The following ZSWIM4 variants were observed in gnomAD, a reference collection of about 807,000 sequenced individuals.
ZSWIM4 encodes the protein zinc finger SWIM domain-containing protein 4.
ZSWIM4 carries 62 observed loss-of-function variants against 102.5 expected under a neutral mutation model. That is an observed-to-expected ratio of 0.60 (90% CI 0.49 to 0.75). The LOEUF is 0.75. ZSWIM4 is among the 30% of genes least tolerant of loss of function. The pLI, the probability that ZSWIM4 is intolerant of heterozygous loss-of-function variation, is 0.00. For missense variants in ZSWIM4, 1,280 were observed against 1,529.6 expected (o/e 0.84, Z 2.72); for synonymous variants, 652 against 674.5 (o/e 0.97, Z 0.52).
At chr19:13,822,112 G>A (rs1401569390) in intron 10 of ZSWIM4, among the ~76,000 whole-genome samples, 7 of 151,124 alleles carry the variant, frequency 4.6e-5, no homozygotes, top group East Asian at 3.9e-4. Context: ...GGCCTCAAGC[G>A]ACCCTCTCGC....
intron 12 of ZSWIM4, among the ~76,000 whole-genome samples, chr19:13,826,623 A>G: frequency 6.6e-6 from 1 of 151,986 alleles, no homozygotes; most frequent in South Asian, 2.1e-4. Flanking sequence ...AAATTAGCCA[A>G]GCGTGGTGGC....
At chr19:13,810,558 T>C (rs1227200539) in intron 5 of ZSWIM4, among the ~76,000 whole-genome samples, 2 of 152,200 alleles carry the variant, frequency 1.3e-5, no homozygotes, top group African/African-American at 4.8e-5. Flanking sequence ...CCCAAAGTGC[T>C]GGGATTACAG....
chr19:13,804,827 A>G lies in ZSWIM4; in HGVS notation c.391A>G (p.Ser131Gly), dbSNP rs765626022. 4 of 1,599,060 alleles carry G rather than the reference A, an allele frequency of 2.5e-6. No homozygotes were observed. Among genetic ancestry groups the G allele is most frequent in the South Asian group, 2.2e-5 (2 of 90,558 alleles). The change falls in exon 3 of 14, where the codon AGT becomes GGT. Residue 131 changes from serine (S) to glycine (G), a missense_variant. Transcript: ENST00000590508. The stretch of plus-strand genomic sequence containing the variant: ...GAGCGGAAACATCCGCGAGCCAGGG[A>G]GTCCTGGAGAGCCCGAGCGCCTCTA... The part of the protein sequence containing the change: ...HLSGNIREPG[S>G]PGEPERLYHV...
At position 13,830,168 on chromosome 19, in the gene ZSWIM4, TTCC is replaced by T; in HGVS notation, c.2462-22_2462-20del. 1 of 1,598,068 alleles carries T rather than the reference TTCC, an allele frequency of 6.3e-7. No individual in the cohort carries two copies. The highest frequency in any genetic ancestry group is 8.5e-7 in the Non-Finnish European group (1 of 1,171,782). On this transcript the variant is annotated intron_variant, in intron 13 of 13. Coordinates refer to ENST00000590508, the MANE Select transcript of ZSWIM4 (RefSeq NM_001367834.3). ...GTGTCTGCCCCCGCTCCTGACGGAT[TTCC>T]CTCCCTCACCTCCCACCAGGCCCGC...
At chr19:13,817,566 G>A in intron 8 of ZSWIM4, 156 bp from the exon 9 acceptor site, 1 of 1,079,930 alleles carries the variant, frequency 9.3e-7, no homozygotes. Context: ...CTAGAAGGTG[G>A]GGCTCCCGCG....
intron 1 of ZSWIM4, chr19:13,796,673 A>C (rs1974620457): frequency 6.6e-6 from 1 of 152,288 alleles, no homozygotes; most frequent in Admixed American, 6.5e-5. Context: ...GGACAGGTGC[A>C]CCTAGAAGCT....
rs2145395165 is a variant in ZSWIM4 at position 13,831,785 on chromosome 19, G to T, written c.*735G>T. The T allele has an allele frequency of 6.6e-6, 1 of 152,228 alleles. No individual in the cohort carries two copies. Among genetic ancestry groups the T allele is most frequent in the South Asian group, 2.1e-4 (1 of 4,792 alleles). The allele number at this position is 152,228 out of a possible 1,614,324, so 9.4% of individuals were successfully genotyped here. A position where few individuals can be genotyped will look rare whatever the true frequency, so the allele number is the denominator to read the frequency against. On this transcript the variant is annotated 3_prime_UTR_variant, in exon 14 of 14. Coordinates refer to ENST00000590508, the MANE Select transcript of ZSWIM4 (RefSeq NM_001367834.3). ...GGGACACAGACGCGAGAGAGCCGGAGACCCCCACCCCCGATCTGGAAAGGA... is the reference window on the plus strand; with the variant it reads ...GGGACACAGACGCGAGAGAGCCGGATACCCCCACCCCCGATCTGGAAAGGA...
At chr19:13,800,061 C>G (rs1359130878) in intron 2 of ZSWIM4, 140 bp downstream of exon 2, 16 of 442,136 alleles carry the variant, frequency 3.6e-5, no homozygotes, top group African/African-American at 1.5e-4. Flanking sequence ...TAGGATTGTA[C>G]AAGATTTTTT....
At chr19:13,812,907 G>C in intron 5 of ZSWIM4, 90 bp from the exon 6 acceptor site, 1 of 1,410,420 alleles carries the variant, frequency 7.1e-7, no homozygotes, top group Non-Finnish European at 9.7e-7. Context: ...GGGGTTAGCA[G>C]ATCATCAGGT....
At position 13,825,527 on chromosome 19, in the gene ZSWIM4, C is replaced by G. The variant is rs374111531; in HGVS notation, c.2216-23C>G. 5 of 1,610,432 alleles carry G rather than the reference C, an allele frequency of 3.1e-6. No homozygotes were observed. The highest frequency in any genetic ancestry group is 4.2e-6 in the Non-Finnish European group (5 of 1,177,560). ...GGTGCTGAGGTGTATCCGATGGTGT[C>G]CTCTGTCCCGCCCTTCACCCAGGAG... On this transcript the variant is annotated intron_variant, in intron 11 of 13. Coordinates refer to ENST00000590508, the MANE Select transcript of ZSWIM4 (RefSeq NM_001367834.3). This position sits in a 1 kb window ranked among gnomAD's most constrained non-coding sequence, Gnocchi z 4.6.
In ZSWIM4 at chr19:13,809,364, A is replaced by C; in HGVS notation, c.1012+144A>C. The C allele has an allele frequency of 1.7e-6, 2 of 1,180,350 alleles. No homozygotes were observed. Among genetic ancestry groups the C allele is most frequent in the African/African-American group, 1.5e-5 (1 of 64,854 alleles). The allele number at this position is 1,180,350 out of a possible 1,614,324, so 73.1% of individuals were successfully genotyped here. A position where few individuals can be genotyped will look rare whatever the true frequency, so the allele number is the denominator to read the frequency against. On this transcript the variant is annotated intron_variant, in intron 5 of 13. Transcript: ENST00000590508. The surrounding 1 kb of genome is among the most constrained non-coding windows in gnomAD (Gnocchi z 4.2). The stretch of plus-strand genomic sequence containing the variant: ...TATGAGCGCCTCTAAAGTGCCAGGC[A>C]TGGTACTGGGCACTGGTGGTCCGGC...
chr19:13,799,434 C>G (rs886793687), intron 1 of ZSWIM4, among the ~76,000 whole-genome samples: 31 of 151,716 alleles, frequency 2.0e-4, no homozygotes, highest in African/African-American at 7.3e-4. Flanking sequence ...CCACCACACC[C>G]GGCTAATTTT....
chr19:13,828,665 C>T lies in ZSWIM4; in HGVS notation c.2400C>T (p.Asn800=), dbSNP rs200501198. 78 of 1,613,984 alleles carry T rather than the reference C, an allele frequency of 4.8e-5. No individual in the cohort carries two copies. Among genetic ancestry groups the T allele is most frequent in the Middle Eastern group, 3.3e-4 (2 of 6,084 alleles). The change falls in exon 13 of 14, where the codon AAC becomes AAT. Residue 800 remains asparagine (N), a synonymous_variant. Transcript: ENST00000590508. ...TGCAGGTGATGCGGATGACTCTGAA[C>T]GTAATGACCTGGCGGCGGAGGGAGA... ...LGLQVMRMTL[N]VMTWRRREMV...
Position 13,828,675 on chromosome 19 carries a change from T to G in ZSWIM4, c.2410T>G (p.Trp804Gly), listed in dbSNP as rs761832673. Residue 804 changes from tryptophan (W) to glycine (G), a missense_variant, in exon 13 of 14, where the codon TGG becomes GGG. Transcript: ENST00000590508. Reference protein sequence around the residue: ...VMRMTLNVMTWRRREMVRWLV... With the variant: ...VMRMTLNVMTGRRREMVRWLV... The stretch of plus-strand genomic sequence containing the variant: ...GCGGATGACTCTGAACGTAATGACC[T>G]GGCGGCGGAGGGAGATGGTGCGCTG... 6.2e-7 allele frequency: 1 copy of G among 1,614,080 alleles called. No individual in the cohort carries two copies. The highest frequency in any genetic ancestry group is 2.2e-5 in the East Asian group (1 of 44,878).
intron 10 of ZSWIM4, among the ~76,000 whole-genome samples, chr19:13,822,163 TACACACACACACACAC>T (rs59602194): frequency 1.2e-4 from 17 of 142,280 alleles, no homozygotes; most frequent in African/African-American, 2.8e-4. Context: ...CACACACACA[TACACACACACACACAC>T]ACACACACAC....
intron 2 of ZSWIM4, 110 bp downstream of exon 2, chr19:13,800,031 C>T (rs1207568198): frequency 9.5e-6 from 10 of 1,055,000 alleles, no homozygotes; most frequent in Non-Finnish European, 1.3e-5. Flanking sequence ...GGTTACAGAC[C>T]TCAGGCTTCG....
chr19:13,807,631 G>A (rs914230500), intron 3 of ZSWIM4, among the ~76,000 whole-genome samples: 1 of 139,604 alleles, frequency 7.2e-6, no homozygotes, highest in Non-Finnish European at 1.6e-5. Flanking sequence ...TATTACTACA[G>A]GGGAGATAGA....
intron 1 of ZSWIM4, 71 bp from the exon 2 acceptor site, chr19:13,799,645 TCCTC>T: frequency 6.9e-7 from 1 of 1,446,504 alleles, no homozygotes; most frequent in South Asian, 1.1e-5. Context: ...CCTCAAGCGA[TCCTC>T]CCTCCTAAGC....
At position 13,809,129 on chromosome 19, in the gene ZSWIM4, C is replaced by A; in HGVS notation, c.921C>A (p.Thr307=). The A allele has an allele frequency of 6.2e-7, 1 of 1,613,848 alleles. No homozygotes were observed. The highest frequency in any genetic ancestry group is 8.5e-7 in the Non-Finnish European group (1 of 1,179,832). The change falls in exon 5 of 14, where the codon ACC becomes ACA. Residue 307 remains threonine, a synonymous_variant. Transcript: ENST00000590508. This position sits in a 1 kb window ranked among gnomAD's most constrained non-coding sequence, Gnocchi z 4.2. Reference sequence around the variant, plus strand: ...GGGCGCGCATGCTGATTCTCATGACCGAGCAGTTCCTGCAGGACACGCGCC... The same window carrying A: ...GGGCGCGCATGCTGATTCTCATGACAGAGCAGTTCCTGCAGGACACGCGCC... The part of the protein sequence containing the change: ...SNGARMLILM[T]EQFLQDTRLA...
Sources: allele counts gnomAD v4.1 joint callset (sites outside exome capture counted in the v4.1 genomes callset), GRCh38; gene constraint gnomAD v4.1.1; non-coding constraint Gnocchi (gnomAD v3.1); transcripts MANE v1.5; gene names NCBI Gene and HGNC (gene_info 2026-07-23, HGNC 2026-07-21).